LRBA: variants seen among roughly 807,000 people sequenced by gnomAD.
The protein encoded by LRBA is lipopolysaccharide-responsive and beige-like anchor protein.
Under a neutral mutation model 330.0 loss-of-function variants are expected in LRBA, and 176 were observed. That is an observed-to-expected ratio of 0.53 (90% CI 0.47 to 0.60). The LOEUF is 0.60. Among genes scored for constraint, LRBA ranks in the 20% least tolerant of loss-of-function variants. The pLI is 0.00. For synonymous variants in LRBA, 1,230 were observed against 1,193.0 expected (o/e 1.03, Z -0.64); for missense variants, 3,259 against 3,444.8 (o/e 0.95, Z 1.35).
chr4:150,316,923 A>G (rs1731797991), intron 50 of LRBA, among the ~76,000 whole-genome samples: 1 of 152,132 alleles, frequency 6.6e-6, no homozygotes, highest in Non-Finnish European at 1.5e-5. Flanking sequence ...AGATTCCTGG[A>G]AAAAGGTGGC....
intron 27 of LRBA, among the ~76,000 whole-genome samples, 174 bp from the exon 28 acceptor site, chr4:150,844,381 G>A (rs960800688): frequency 1.3e-5 from 2 of 152,006 alleles, no homozygotes; most frequent in African/African-American, 2.4e-5. Context: ...GGGGAGAGAG[G>A]TGGAGAAAGA....
chr4:150,989,234 G>T lies in LRBA; in HGVS notation c.216+25193C>A, dbSNP rs574185285. 4.0e-5 allele frequency among the ~76,000 whole-genome samples: 6 copies of T among 150,620 alleles called. 1 individual carries two copies. In the South Asian group the frequency reaches 1.3e-3, roughly 32 times the overall value. ...TTGGCCAGGCTGGTCTCAAACTCCC[G>T]ATCTGAAGTGATCCACCCACCACGG... On this transcript the variant is annotated intron_variant, in intron 2 of 56. Coordinates refer to ENST00000651943, the MANE Select transcript of LRBA (RefSeq NM_001364905.1).
chr4:150,269,816 A>G (rs1745833515), intron 56 of LRBA, among the ~76,000 whole-genome samples: 1 of 152,108 alleles, frequency 6.6e-6, no homozygotes. Flanking sequence ...ATGGTGGCAC[A>G]TGCCTGGAGT....
chr4:150,763,939 C>A lies in LRBA; in HGVS notation c.5581-2092G>T, dbSNP rs181879908. Among the ~76,000 whole-genome samples the A allele has an allele frequency of 5.3e-3, 803 of 151,992 alleles. 10 individuals are homozygous for A. The highest frequency in any genetic ancestry group is 5.9e-3 in the Non-Finnish European group (403 of 67,850). ...AAGAAGTACGATACTTCAAGAGATG[C>A]CACAGCCAAACAACACAAGCATATG... On this transcript the variant is annotated intron_variant, in intron 34 of 56. Transcript: ENST00000651943.
intron 31 of LRBA, among the ~76,000 whole-genome samples, chr4:150,810,968 G>A (rs1375031731): frequency 3.3e-5 from 5 of 152,098 alleles, no homozygotes; most frequent in Non-Finnish European, 7.4e-5. Context: ...TGCTATTTTT[G>A]TGTTTTTCAC....
chr4:150,339,417 C>T (rs1035499771), intron 48 of LRBA, among the ~76,000 whole-genome samples: 3 of 152,114 alleles, frequency 2.0e-5, no homozygotes, highest in African/African-American at 7.2e-5. Flanking sequence ...CAGCCAAAAA[C>T]GAAGTCAGTA....
At chr4:150,937,403 T>G (rs1413443518) in intron 2 of LRBA, among the ~76,000 whole-genome samples, 1 of 152,130 alleles carries the variant, frequency 6.6e-6, no homozygotes, top group Non-Finnish European at 1.5e-5. Context: ...GGCTCTGCAC[T>G]ACAAAATGTA....
At chr4:150,760,124 G>A (rs1036289423) in intron 35 of LRBA, among the ~76,000 whole-genome samples, 1 of 152,094 alleles carries the variant, frequency 6.6e-6, no homozygotes, top group Non-Finnish European at 1.5e-5. Flanking sequence ...GACAGCTCCA[G>A]TCACCTCTTT....
intron 22 of LRBA, among the ~76,000 whole-genome samples, chr4:150,860,715 T>C (rs1383295156): frequency 4.6e-5 from 7 of 151,782 alleles, no homozygotes; most frequent in African/African-American, 1.7e-4. Context: ...TAGTCCCAGC[T>C]ACTCAGGGAG....
chr4:150,930,774 G>A (rs1252296207), intron 2 of LRBA, among the ~76,000 whole-genome samples: 1 of 152,170 alleles, frequency 6.6e-6, no homozygotes, highest in Admixed American at 6.5e-5. Context: ...ATCTTTCTCA[G>A]AAAGCTCTGG....
At chr4:150,423,886 A>G (rs552404311) in intron 46 of LRBA, among the ~76,000 whole-genome samples, 26 of 152,370 alleles carry the variant, frequency 1.7e-4, no homozygotes, top group African/African-American at 6.0e-4. Flanking sequence ...GAGAAAGAAT[A>G]TATTTTTAGG....
chr4:150,960,852 TC>T (rs889321031), intron 2 of LRBA, among the ~76,000 whole-genome samples: 2 of 149,542 alleles, frequency 1.3e-5, no homozygotes, highest in Admixed American at 1.3e-4. Context: ...ATTAGTAGTT[TC>T]AGTTTTTGTA....
At chr4:150,528,579 T>C (rs1219328248) in intron 40 of LRBA, among the ~76,000 whole-genome samples, 2 of 152,110 alleles carry the variant, frequency 1.3e-5, no homozygotes, top group Admixed American at 1.3e-4. Context: ...TAAGTTTTTT[T>C]AAATAGCAGC....
chr4:150,648,462 T>C (rs1779410446), intron 37 of LRBA, among the ~76,000 whole-genome samples: 2 of 151,984 alleles, frequency 1.3e-5, no homozygotes, highest in African/African-American at 4.8e-5. Flanking sequence ...GTACAGGAAC[T>C]CTACTTAAAT....
chr4:150,440,013 A>T (rs1030083916), intron 44 of LRBA, among the ~76,000 whole-genome samples: 2 of 152,188 alleles, frequency 1.3e-5, no homozygotes, highest in Non-Finnish European at 2.9e-5. Context: ...AAAGAACTAA[A>T]AGTAAATGCT....
intron 27 of LRBA, 134 bp downstream of exon 27, chr4:150,844,524 G>A: frequency 1.5e-6 from 1 of 678,760 alleles, no homozygotes. Context: ...ATATTTGAAT[G>A]TTATATGCAG....
At chr4:150,664,903 A>G (rs1308863812) in intron 37 of LRBA, among the ~76,000 whole-genome samples, 1 of 152,182 alleles carries the variant, frequency 6.6e-6, no homozygotes, top group Non-Finnish European at 1.5e-5. Context: ...ACTCACATAT[A>G]ATTTTATGAG....
chr4:150,534,433 C>A (rs1764416166), intron 40 of LRBA, among the ~76,000 whole-genome samples: 1 of 150,952 alleles, frequency 6.6e-6, no homozygotes, highest in Admixed American at 6.6e-5. Flanking sequence ...ATATACAAAG[C>A]TACCCTCCTT....
rs56340108 is a variant in LRBA, at chr4:150,922,394, G to GTATATATATATATATA, written c.550-1117_550-1102dup. Among the ~76,000 whole-genome samples the GTATATATATATATATA allele has an allele frequency of 1.3e-3, 182 of 139,702 alleles. 2 individuals carry two copies. The highest frequency in any genetic ancestry group is 6.0e-3 in the East Asian group (28 of 4,700). 91.6% of individuals were successfully genotyped at this position (139,702 alleles called of 152,430 possible). A position where few individuals can be genotyped will look rare whatever the true frequency, so the allele number is the denominator to read the frequency against. On this transcript the variant is annotated intron_variant, in intron 4 of 56. Coordinates refer to ENST00000651943, the MANE Select transcript of LRBA (RefSeq NM_001364905.1). ...TCAACGAGTGGATAAAGAAACTGTGGTATATATATATATATATATATATGA... is the reference window on the plus strand; with the variant it reads ...TCAACGAGTGGATAAAGAAACTGTGGTATATATATATATATATATATATATATATATATATATATGA...
Sources: gnomAD v4.1 joint callset for allele counts (sites outside exome capture counted in the v4.1 genomes callset) on GRCh38, gnomAD v4.1.1 for gene constraint, MANE v1.5 for transcripts, NCBI Gene and HGNC (gene_info 2026-07-23, HGNC 2026-07-21) for gene names.